Variants in PACRG observed in about 807,000 individuals in gnomAD.
PACRG encodes the protein parkin coregulated, also known as parkin coregulated gene protein.
PACRG carries 29 observed loss-of-function variants against 29.7 expected under a neutral mutation model. The observed-to-expected ratio is 0.98, with a 90% confidence interval of 0.73 to 1.33. The LOEUF (loss-of-function observed/expected upper bound fraction) is 1.33. Among genes scored for constraint, PACRG ranks in the 40% most tolerant of loss-of-function variants. The probability of loss-of-function intolerance (pLI) is 0.00; values close to 1 mark genes in which losing one functional copy is unlikely to be tolerated. For missense variants in PACRG, 279 were observed against 316.2 expected (o/e 0.88, Z 0.89); for synonymous variants, 116 against 118.7 (o/e 0.98, Z 0.15).
intron 2 of PACRG, among the ~76,000 whole-genome samples, chr6:162,963,860 TATCAGTTAG>T (rs1294032335): frequency 6.6e-6 from 1 of 152,252 alleles, no homozygotes; most frequent in Non-Finnish European, 1.5e-5. Flanking sequence ...AATTGCAATA[TATCAGTTAG>T]ATCATGGGTT....
In PACRG at chr6:162,742,341, T is replaced by C. The variant is rs192125944; in HGVS notation, c.156+13950T>C. ...CCTTTCATTTGGCTCTCATTCTCTC[T>C]TTGTTGCCACCATGTAAGACATACC... On this transcript the variant is annotated intron_variant, in intron 1 of 4. Transcript: ENST00000366888. 6.7e-4 allele frequency among the ~76,000 whole-genome samples: 102 copies of C among 152,322 alleles called. No homozygotes were observed. In the East Asian group the frequency reaches 9.8e-3, roughly 15 times the overall value.
rs568479419 is a variant in PACRG at position 163,062,403 on chromosome 6, A to C, written c.463+82A>C. 29 of 1,427,348 alleles carry C rather than the reference A, an allele frequency of 2.0e-5. No homozygotes were observed. The African/African-American group carries it at 3.6e-4, about 18-fold the overall frequency. The allele number at this position is 1,427,348 out of a possible 1,614,324, so 88.4% of individuals were successfully genotyped here. The stretch of plus-strand genomic sequence containing the variant: ...CTTGCTAATTAAGCAATAAACCATG[A>C]CAGACTGAGGTGATCCCCAGTTTTG... On this transcript the variant is annotated intron_variant, in intron 3 of 4. Transcript: ENST00000366888.
chr6:163,160,858 T>C (rs941952705), intron 4 of PACRG, among the ~76,000 whole-genome samples: 2 of 152,132 alleles, frequency 1.3e-5, no homozygotes. Context: ...TGGTCTCTGG[T>C]TTTTCCTTTC....
chr6:163,157,080 C>A (rs1375905404), intron 4 of PACRG, among the ~76,000 whole-genome samples: 3 of 152,280 alleles, frequency 2.0e-5, no homozygotes, highest in African/African-American at 7.2e-5. Flanking sequence ...AATATTCTGC[C>A]TACCACACAG....
At position 162,728,183 on chromosome 6, in the gene PACRG, C is replaced by T; in HGVS notation, c.-53C>T. 1 of 1,585,622 alleles carries T rather than the reference C, an allele frequency of 6.3e-7. No individual in the cohort carries two copies. Among genetic ancestry groups the T allele is most frequent in the South Asian group, 1.1e-5 (1 of 88,720 alleles). On this transcript the variant is annotated 5_prime_UTR_variant, in exon 1 of 5. Coordinates refer to ENST00000366888, the MANE Select transcript of PACRG (RefSeq NM_001080379.2). ...AGACCTCCTGCTCACATCCGTAAAG[C>T]CCACTGATTCTTTTACTACACTTTT...
At chr6:163,146,516 G>T (rs1777810744) in intron 4 of PACRG, among the ~76,000 whole-genome samples, 1 of 152,200 alleles carries the variant, frequency 6.6e-6, no homozygotes, top group Non-Finnish European at 1.5e-5. Flanking sequence ...TGAAGGAAAA[G>T]AAACTCTCTA....
chr6:163,271,186 C>T (rs1228300314), intron 4 of PACRG, among the ~76,000 whole-genome samples: 4 of 152,078 alleles, frequency 2.6e-5, no homozygotes, highest in African/African-American at 9.7e-5. Context: ...AAGACTCAGG[C>T]AGTCTAGTCT....
intron 2 of PACRG, among the ~76,000 whole-genome samples, chr6:162,988,353 G>C (rs1276526497): frequency 1.3e-5 from 2 of 152,206 alleles, no homozygotes; most frequent in Non-Finnish European, 2.9e-5. Context: ...GAGAGCAATA[G>C]ATGCAGGTTC....
At chr6:163,302,213 A>G (rs1785029825) in intron 4 of PACRG, among the ~76,000 whole-genome samples, 1 of 152,060 alleles carries the variant, frequency 6.6e-6, no homozygotes, top group African/African-American at 2.4e-5. Flanking sequence ...CCCACAGTTT[A>G]GATACTGTTC....
At chr6:163,014,109 T>C (rs1237563218) in intron 2 of PACRG, among the ~76,000 whole-genome samples, 1 of 152,232 alleles carries the variant, frequency 6.6e-6, no homozygotes, top group Non-Finnish European at 1.5e-5. Context: ...ATGCAGTGTT[T>C]AGTTTTCTGT....
chr6:163,268,470 C>T (rs1051728649), intron 4 of PACRG, among the ~76,000 whole-genome samples: 9 of 151,642 alleles, frequency 5.9e-5, no homozygotes, highest in Admixed American at 5.9e-4. Context: ...AGTTTAAAAT[C>T]TCAAAAATAA....
intron 2 of PACRG, among the ~76,000 whole-genome samples, chr6:162,835,835 A>G (rs369013163): frequency 7.9e-5 from 12 of 152,172 alleles, no homozygotes; most frequent in African/African-American, 2.9e-4. Context: ...CAACTTTTCA[A>G]CTCTTTTAAG....
intron 4 of PACRG, among the ~76,000 whole-genome samples, chr6:163,203,999 C>T (rs991172011): frequency 9.2e-5 from 14 of 152,106 alleles, no homozygotes; most frequent in African/African-American, 1.9e-4. Context: ...TGCAAATAGT[C>T]GGAACTAATT....
intron 1 of PACRG, among the ~76,000 whole-genome samples, chr6:162,733,282 A>G (rs1451192069): frequency 6.6e-6 from 1 of 152,128 alleles, no homozygotes; most frequent in African/African-American, 2.4e-5. Context: ...TCTACTTTGT[A>G]TTATGGTCAT....
intron 1 of PACRG, among the ~76,000 whole-genome samples, chr6:162,744,960 A>G (rs369956669): frequency 6.6e-6 from 1 of 152,116 alleles, no homozygotes; most frequent in Non-Finnish European, 1.5e-5. Context: ...TCTGAAAATG[A>G]CCTGACAATA....
intron 2 of PACRG, among the ~76,000 whole-genome samples, chr6:163,043,651 A>T (rs1808991937): frequency 6.6e-6 from 1 of 152,220 alleles, no homozygotes; most frequent in Non-Finnish European, 1.5e-5. Context: ...GCTGAAAATG[A>T]CAGGAGAAGG....
intron 1 of PACRG, among the ~76,000 whole-genome samples, chr6:162,730,187 A>G (rs1779654197): frequency 6.6e-6 from 1 of 152,150 alleles, no homozygotes; most frequent in Non-Finnish European, 1.5e-5. Flanking sequence ...AAATCTTGAT[A>G]AAAGAAGGCT....
intron 4 of PACRG, among the ~76,000 whole-genome samples, chr6:163,155,105 A>G (rs1359745199): frequency 6.6e-6 from 1 of 152,160 alleles, no homozygotes; most frequent in African/African-American, 2.4e-5. Context: ...CCTCTCTTCT[A>G]TACAAAACTC....
At chr6:163,080,130 C>G (rs1812948152) in intron 3 of PACRG, among the ~76,000 whole-genome samples, 5 of 152,010 alleles carry the variant, frequency 3.3e-5, no homozygotes, top group African/African-American at 9.7e-5. Context: ...GATCTGGTGA[C>G]CTCATGATCT....
Sources: gnomAD v4.1 joint callset for allele counts (sites outside exome capture counted in the v4.1 genomes callset) on GRCh38, gnomAD v4.1.1 for gene constraint, MANE v1.5 for transcripts, NCBI Gene and HGNC (gene_info 2026-07-23, HGNC 2026-07-21) for gene names.